HEATR5B: variants seen among roughly 807,000 people sequenced by gnomAD.
HEATR5B encodes the protein HEAT repeat containing 5B.
Under a neutral mutation model 224.1 loss-of-function variants are expected in HEATR5B, and 156 were observed. The ratio of observed to expected loss-of-function variants is 0.70; its 90% confidence interval spans 0.61 to 0.80. HEATR5B has a LOEUF of 0.80. Ranked by LOEUF, HEATR5B falls within the 30% of genes least tolerant of loss-of-function variation. The probability of loss-of-function intolerance (pLI) is 0.00; values close to 1 mark genes in which losing one functional copy is unlikely to be tolerated. For missense variants in HEATR5B, 2,323 were observed against 2,535.5 expected, an observed-to-expected ratio of 0.92 and a Z score of 1.80; for synonymous variants, 1,027 against 893.0, an observed-to-expected ratio of 1.15 and a Z score of -2.68.
chr2:37,082,084 T>C (rs1418909555), intron 2 of HEATR5B, among the ~76,000 whole-genome samples: 1 of 123,534 alleles, frequency 8.1e-6, no homozygotes, highest in African/African-American at 3.1e-5. Flanking sequence ...TTTTTTTTTT[T>C]TTCAGATGGA....
intron 33 of HEATR5B, among the ~76,000 whole-genome samples, chr2:36,991,639 GA>G (rs1666339164): frequency 6.6e-6 from 1 of 151,838 alleles, no homozygotes; most frequent in Non-Finnish European, 1.5e-5. Context: ...CTAGAAATAT[GA>G]ACATTTATTC....
At chr2:37,029,040 A>T in intron 22 of HEATR5B, 120 bp from the exon 23 acceptor site, 1 of 928,196 alleles carries the variant, frequency 1.1e-6, no homozygotes, top group Non-Finnish European at 1.6e-6. Flanking sequence ...CCAGCTAGCT[A>T]TATACAATTT....
At chr2:36,992,175 G>A (rs1194670303) in intron 33 of HEATR5B, among the ~76,000 whole-genome samples, 1 of 152,120 alleles carries the variant, frequency 6.6e-6, no homozygotes, top group Non-Finnish European at 1.5e-5. Flanking sequence ...TCCAGCCTGG[G>A]TGACAGAGTG....
intron 17 of HEATR5B, among the ~76,000 whole-genome samples, chr2:37,050,472 C>G (rs1670468110): frequency 6.6e-6 from 1 of 152,144 alleles, no homozygotes; most frequent in African/African-American, 2.4e-5. Flanking sequence ...ATTACTAAAT[C>G]AACCATTATT....
At chr2:37,041,895 A>G (rs995130148) in intron 18 of HEATR5B, among the ~76,000 whole-genome samples, 11 of 151,832 alleles carry the variant, frequency 7.2e-5, no homozygotes, top group Non-Finnish European at 1.6e-4. Flanking sequence ...AAATATTTTT[A>G]TATTTTTAAA....
intron 6 of HEATR5B, 142 bp from the exon 7 acceptor site, chr2:37,070,529 C>T (rs1671844450): frequency 3.0e-6 from 2 of 666,062 alleles, no homozygotes; most frequent in East Asian, 2.8e-5. Context: ...TTAAAATTTT[C>T]AATGTACTTG....
At chr2:37,026,574 C>T (rs1308035358) in intron 24 of HEATR5B, among the ~76,000 whole-genome samples, 1 of 152,192 alleles carries the variant, frequency 6.6e-6, no homozygotes, top group Non-Finnish European at 1.5e-5. Flanking sequence ...CACGCCATAA[C>T]TATTTGACTG....
At chr2:37,054,586 A>G (rs1670780378) in intron 16 of HEATR5B, among the ~76,000 whole-genome samples, 1 of 139,280 alleles carries the variant, frequency 7.2e-6, no homozygotes, top group African/African-American at 2.7e-5. Context: ...CTGGGTTCAT[A>G]TGATTCTCCT....
Position 37,068,884 on chromosome 2 carries a change from C to T in HEATR5B, c.974G>A (p.Arg325His), listed in dbSNP as rs767579818. The change falls in exon 8 of 36, where the codon CGC (arginine) becomes CAC (histidine). Residue 325 changes from arginine to histidine, a missense_variant. Physicochemically the swap from Arg to His is conservative, Grantham distance 29. Transcript: ENST00000233099. ...VTTLGGQWLE[R>H]SFATFLSHVL... is the part of the protein sequence containing the mutation. ...ATGGGACAGGAACGTGGCAAAGCTGCGCTCCAACCACTGACCACCCAATGT... is the reference window on the plus strand; with the variant it reads ...ATGGGACAGGAACGTGGCAAAGCTGTGCTCCAACCACTGACCACCCAATGT... 1.8e-5 allele frequency: 29 copies of T among 1,613,962 alleles called. No homozygotes were observed. The African/African-American group carries it at 3.2e-4, about 18-fold the overall frequency.
chr2:37,002,659 G>C lies in HEATR5B; in HGVS notation c.5051-87C>G, dbSNP rs1414479193. 3 of 1,317,780 alleles carry C rather than the reference G, an allele frequency of 2.3e-6. No homozygotes were observed. The Admixed American group carries it at 7.0e-5, about 31-fold the overall frequency. 81.6% of individuals were successfully genotyped at this position (1,317,780 alleles called of 1,614,324 possible). A position where few individuals can be genotyped will look rare whatever the true frequency, so the allele number is the denominator to read the frequency against. On this transcript the variant is annotated intron_variant, in intron 31 of 35. Coordinates refer to ENST00000233099, the MANE Select transcript of HEATR5B (RefSeq NM_019024.3). ...GTATATTTAGGAAATTCCTTCAAAA[G>C]AATTTATAAGCAAATGTCAAATAAT...
chr2:37,016,837 A>T (rs957432129), intron 26 of HEATR5B, among the ~76,000 whole-genome samples: 3 of 152,226 alleles, frequency 2.0e-5, no homozygotes, highest in Non-Finnish European at 2.9e-5. Context: ...AATAAAATTA[A>T]TAAGGACATT....
At chr2:37,053,308 A>G (rs1233512643) in intron 17 of HEATR5B, among the ~76,000 whole-genome samples, 194 bp downstream of exon 17, 1 of 152,270 alleles carries the variant, frequency 6.6e-6, no homozygotes, top group African/African-American at 2.4e-5. Flanking sequence ...AACTTTAACA[A>G]CATTAAAATA....
rs572347865 is a variant in HEATR5B, at chr2:37,029,012, T to C, written c.3362-92A>G. On this transcript the variant is annotated intron_variant, in intron 22 of 35. Transcript: ENST00000233099. ...ATAAAGACCAAGTCTTACATATAAA[T>C]TCACAACAGCCACAAAACCAGCTAG... 1.6e-4 allele frequency: 205 copies of C among 1,284,356 alleles called. 2 individuals are homozygous for C. The African/African-American group carries it at 2.7e-3, about 17-fold the overall frequency. The allele number at this position is 1,284,356 out of a possible 1,614,324, so 79.6% of individuals were successfully genotyped here. A position where few individuals can be genotyped will look rare whatever the true frequency, so the allele number is the denominator to read the frequency against.
chr2:37,082,724 G>A (rs1439935631), intron 2 of HEATR5B, among the ~76,000 whole-genome samples: 1 of 152,188 alleles, frequency 6.6e-6, no homozygotes, highest in East Asian at 1.9e-4. Flanking sequence ...CAATGTTAAT[G>A]GCTGGCTTGC....
chr2:37,049,547 T>C, intron 18 of HEATR5B, 106 bp downstream of exon 18: 1 of 970,976 alleles, frequency 1.0e-6, no homozygotes, highest in Middle Eastern at 2.2e-4. Flanking sequence ...CCACAAAATA[T>C]TATCACATGC....
chr2:37,081,549 G>C (rs17020185), intron 2 of HEATR5B, among the ~76,000 whole-genome samples: 1,685 of 152,228 alleles, frequency 0.011, 26 homozygotes, highest in African/African-American at 0.039. Context: ...AAGAGATCAC[G>C]GTTTTTTTAA....
chr2:37,039,589 A>G (rs75516758), intron 20 of HEATR5B, among the ~76,000 whole-genome samples: 5,184 of 152,364 alleles, frequency 0.034, 121 homozygotes, highest in Non-Finnish European at 0.052. Flanking sequence ...TAAAATAGAG[A>G]TAATATCAGT....
chr2:37,055,000 A>C (rs1009967719), intron 16 of HEATR5B: 8 of 275,076 alleles, frequency 2.9e-5, no homozygotes, highest in African/African-American at 1.8e-4. Context: ...TTCAAAACTC[A>C]TATGAAGATA....
intron 33 of HEATR5B, among the ~76,000 whole-genome samples, chr2:36,997,297 G>C (rs1192200725): frequency 6.6e-6 from 1 of 152,042 alleles, no homozygotes; most frequent in Non-Finnish European, 1.5e-5. Context: ...TGATCCTTCT[G>C]CCTCAGCCTC....
Sources: gnomAD v4.1 joint callset for allele counts (sites outside exome capture counted in the v4.1 genomes callset) on GRCh38, gnomAD v4.1.1 for gene constraint, MANE v1.5 for transcripts, NCBI Gene and HGNC (gene_info 2026-07-23, HGNC 2026-07-21) for gene names.